UBASH3B: variants seen among roughly 807,000 people sequenced by gnomAD.
UBASH3B encodes ubiquitin-associated and SH3 domain-containing protein B.
In UBASH3B, 37 loss-of-function variants were observed where a neutral mutation model predicts 83.4. The observed-to-expected ratio is 0.44, with a 90% confidence interval of 0.34 to 0.58. The LOEUF is 0.58. Among genes scored for constraint, UBASH3B ranks in the 20% least tolerant of loss-of-function variants. The probability of loss-of-function intolerance (pLI) is 0.01; values close to 1 mark genes in which losing one functional copy is unlikely to be tolerated. For synonymous variants in UBASH3B, 304 were observed against 318.3 expected, an observed-to-expected ratio of 0.96 and a Z score of 0.48; for missense variants, 657 against 827.2, an observed-to-expected ratio of 0.79 and a Z score of 2.52.
At position 122,782,960 on chromosome 11, in the gene UBASH3B, T is replaced by C. The variant is rs1386788262; in HGVS notation, c.602-93T>C. On this transcript the variant is annotated intron_variant, in intron 4 of 13. Coordinates refer to ENST00000284273, the MANE Select transcript of UBASH3B (RefSeq NM_032873.5). ...TTCTTTGTTATGTGGGAAGCAGAAT[T>C]TCTCAGGGTACCTTTCTATGCCTTT... 3.5e-6 allele frequency: 5 copies of C among 1,444,236 alleles called. No homozygotes were observed. The Admixed American group carries it at 1.2e-4, about 33-fold the overall frequency. 89.5% of individuals were successfully genotyped at this position (1,444,236 alleles called of 1,614,324 possible).
At chr11:122,802,313 GA>G (rs147011358) in intron 11 of UBASH3B, among the ~76,000 whole-genome samples, 936 of 66,198 alleles carry the variant, frequency 0.014, 3 homozygotes, top group Non-Finnish European at 0.016. Context: ...GACTCTGTCT[GA>G]AAAAAAAAAA....
chr11:122,721,948 A>G (rs912409444), intron 1 of UBASH3B, among the ~76,000 whole-genome samples: 3 of 152,244 alleles, frequency 2.0e-5, no homozygotes, highest in African/African-American at 4.8e-5. Context: ...GACACTGTTT[A>G]TTGGATGAAC....
At chr11:122,680,527 G>A (rs577930964) in intron 1 of UBASH3B, among the ~76,000 whole-genome samples, 16 of 152,282 alleles carry the variant, frequency 1.1e-4, no homozygotes, top group South Asian at 2.1e-4. Flanking sequence ...GCAATGGCGC[G>A]ATCTTGGCTC....
intron 1 of UBASH3B, among the ~76,000 whole-genome samples, chr11:122,691,931 G>T (rs892904471): frequency 6.6e-6 from 1 of 152,154 alleles, no homozygotes; most frequent in Non-Finnish European, 1.5e-5. Context: ...ATCTGCCCAG[G>T]ATCTGGCTTC....
At chr11:122,783,866 C>T (rs367747802) in intron 5 of UBASH3B, among the ~76,000 whole-genome samples, 4 of 152,238 alleles carry the variant, frequency 2.6e-5, no homozygotes, top group South Asian at 4.1e-4. Flanking sequence ...TTGGTACACC[C>T]CTAGCACCCT....
chr11:122,792,883 A>G (rs1381747562), intron 6 of UBASH3B, among the ~76,000 whole-genome samples: 4 of 151,872 alleles, frequency 2.6e-5, no homozygotes, highest in East Asian at 1.9e-4. Context: ...TATTTTTTTT[A>G]AGTCTCCTGG....
intron 1 of UBASH3B, among the ~76,000 whole-genome samples, chr11:122,763,027 G>A (rs1375119979): frequency 1.4e-4 from 21 of 152,096 alleles, no homozygotes; most frequent in Admixed American, 1.2e-3. Context: ...CGTTATTACC[G>A]CCATTTAAGA....
At chr11:122,788,410 A>T (rs1183955471) in intron 5 of UBASH3B, among the ~76,000 whole-genome samples, 1 of 152,084 alleles carries the variant, frequency 6.6e-6, no homozygotes, top group Non-Finnish European at 1.5e-5. Context: ...CTCTACTAAA[A>T]ATACAAAAAT....
intron 1 of UBASH3B, among the ~76,000 whole-genome samples, chr11:122,698,532 A>T (rs1186474425): frequency 6.6e-6 from 1 of 152,210 alleles, no homozygotes; most frequent in Non-Finnish European, 1.5e-5. Context: ...TTATGTAATG[A>T]AAACTGCACT....
At chr11:122,670,261 GGTCA>G (rs1378327303) in intron 1 of UBASH3B, among the ~76,000 whole-genome samples, 4 of 151,988 alleles carry the variant, frequency 2.6e-5, no homozygotes, top group Non-Finnish European at 5.9e-5. Context: ...TGTACTTACG[GGTCA>G]CAGAGCACCA....
chr11:122,694,417 C>A (rs1863934921), intron 1 of UBASH3B, among the ~76,000 whole-genome samples: 1 of 151,858 alleles, frequency 6.6e-6, no homozygotes, highest in African/African-American at 2.4e-5. Flanking sequence ...TTACTCAGGC[C>A]AGCATGGTGG....
intron 1 of UBASH3B, among the ~76,000 whole-genome samples, chr11:122,701,616 A>G (rs538775586): frequency 6.6e-6 from 1 of 152,252 alleles, no homozygotes; most frequent in East Asian, 1.9e-4. Flanking sequence ...GCATTGGCAT[A>G]CGGTCCTGTA....
chr11:122,659,503 C>T (rs1009238400), intron 1 of UBASH3B, among the ~76,000 whole-genome samples: 1 of 152,156 alleles, frequency 6.6e-6, no homozygotes, highest in Non-Finnish European at 1.5e-5. Context: ...GCCTTCCCCC[C>T]AGTAACTTAG....
intron 6 of UBASH3B, among the ~76,000 whole-genome samples, chr11:122,794,303 T>C (rs184046290): frequency 1.3e-5 from 2 of 152,286 alleles, no homozygotes; most frequent in East Asian, 3.9e-4. Flanking sequence ...CCTCCCAGGT[T>C]CAAGAGATTC....
intron 1 of UBASH3B, among the ~76,000 whole-genome samples, chr11:122,754,884 C>T (rs1385592043): frequency 6.6e-6 from 1 of 152,164 alleles, no homozygotes; most frequent in Non-Finnish European, 1.5e-5. Context: ...CCGCTAGTGA[C>T]AGAGCAGGAC....
intron 1 of UBASH3B, among the ~76,000 whole-genome samples, chr11:122,702,767 C>T (rs1864059644): frequency 6.6e-6 from 1 of 152,058 alleles, no homozygotes; most frequent in Non-Finnish European, 1.5e-5. Context: ...TCAGGTGATC[C>T]ACCCGCCTCG....
chr11:122,725,323 A>G (rs1860714555), intron 1 of UBASH3B, among the ~76,000 whole-genome samples: 1 of 100,732 alleles, frequency 9.9e-6, no homozygotes, highest in Non-Finnish European at 2.2e-5. Context: ...GCATAGCACC[A>G]TAAACAAAAA....
intron 1 of UBASH3B, among the ~76,000 whole-genome samples, chr11:122,717,910 CT>C (rs61463946): frequency 0.3 from 43,018 of 144,250 alleles, 6,986 homozygotes; most frequent in Non-Finnish European, 0.39. Context: ...TTCTTTCTTT[CT>C]TTTTTTTTTT....
intron 1 of UBASH3B, among the ~76,000 whole-genome samples, chr11:122,731,947 T>G (rs77830115): frequency 6.6e-6 from 1 of 152,024 alleles, no homozygotes; most frequent in South Asian, 2.1e-4. Flanking sequence ...GAGTTCTTAG[T>G]TTGAAGGAGA....
Sources: gnomAD v4.1 joint callset for allele counts (sites outside exome capture counted in the v4.1 genomes callset) on GRCh38, gnomAD v4.1.1 for gene constraint, MANE v1.5 for transcripts, NCBI Gene and HGNC (gene_info 2026-07-23, HGNC 2026-07-21) for gene names.